TENM2: variants seen among roughly 807,000 people sequenced by gnomAD.
TENM2 encodes teneurin transmembrane protein 2.
In TENM2, 52 loss-of-function variants were observed where a neutral mutation model predicts 245.2. The observed-to-expected ratio is 0.21, with a 90% CI of 0.17 to 0.27. TENM2 has a LOEUF of 0.27. Among genes scored for constraint, TENM2 ranks in the 10% least tolerant of loss-of-function variants. TENM2 has a pLI of 1.00. For missense variants in TENM2, 3,046 were observed against 3,666.8 expected, an observed-to-expected ratio of 0.83 and a Z score of 4.37; for synonymous variants, 1,363 against 1,438.9, an observed-to-expected ratio of 0.95 and a Z score of 1.19.
At chr5:167,125,807 C>T in the TENM2 span, among the ~76,000 whole-genome samples, 4 of 152,148 alleles carry the variant, frequency 2.6e-5, no homozygotes, top group East Asian at 5.8e-4. Flanking sequence ...ATCCAATTCT[C>T]ACAACATTTC....
chr5:168,034,093 GTA>G (rs201397686), intron 5 of TENM2, among the ~76,000 whole-genome samples: 9,336 of 118,118 alleles, frequency 0.079, 409 homozygotes, highest in East Asian at 0.21. Flanking sequence ...ATATATATGT[GTA>G]TATATATATG....
At chr5:167,217,143 T>C in the TENM2 span, among the ~76,000 whole-genome samples, 2 of 152,298 alleles carry the variant, frequency 1.3e-5, no homozygotes, top group East Asian at 3.9e-4. Flanking sequence ...GTCTTTGTCA[T>C]GGTTTCTTAA....
At chr5:167,309,583 T>C (rs1330723155) in intron 1 of TENM2, among the ~76,000 whole-genome samples, 3 of 152,104 alleles carry the variant, frequency 2.0e-5, no homozygotes, top group Admixed American at 6.5e-5. Context: ...CTCACCCCTT[T>C]CAAACCTTAG....
intron 2 of TENM2, among the ~76,000 whole-genome samples, chr5:167,485,681 A>G (rs565160712): frequency 6.6e-6 from 1 of 152,222 alleles, no homozygotes; most frequent in Admixed American, 6.5e-5. Flanking sequence ...AGCAATACTT[A>G]TGAAGAACCC....
At chr5:167,706,717 T>C (rs562541311) in intron 2 of TENM2, among the ~76,000 whole-genome samples, 2 of 151,928 alleles carry the variant, frequency 1.3e-5, no homozygotes, top group Non-Finnish European at 2.9e-5. Context: ...CCATCAATAG[T>C]GTTAAAGGGT....
At chr5:167,747,586 A>G (rs1183421338) in intron 2 of TENM2, among the ~76,000 whole-genome samples, 1 of 152,174 alleles carries the variant, frequency 6.6e-6, no homozygotes, top group Non-Finnish European at 1.5e-5. Context: ...GGTAACATTG[A>G]TCGAGACTTT....
chr5:167,519,120 G>A (rs760120752), intron 2 of TENM2, among the ~76,000 whole-genome samples: 5 of 152,042 alleles, frequency 3.3e-5, no homozygotes, highest in Middle Eastern at 3.2e-3. Flanking sequence ...TAATTTCTCT[G>A]TTCTGACATC....
chr5:167,348,308 A>T (rs1387582943), intron 1 of TENM2, among the ~76,000 whole-genome samples: 2 of 152,182 alleles, frequency 1.3e-5, no homozygotes, highest in African/African-American at 4.8e-5. Context: ...TTCTTCTGGG[A>T]CAGTAGTAAT....
At chr5:167,532,880 A>G (rs1771612766) in intron 2 of TENM2, among the ~76,000 whole-genome samples, 1 of 150,852 alleles carries the variant, frequency 6.6e-6, no homozygotes, top group African/African-American at 2.4e-5. Context: ...AATCTAGATG[A>G]TGTGATGAAA....
At chr5:167,235,445 G>T in the TENM2 span, among the ~76,000 whole-genome samples, 1 of 151,788 alleles carries the variant, frequency 6.6e-6, no homozygotes, top group Non-Finnish European at 1.5e-5. Flanking sequence ...TCCTTTAAAT[G>T]GAAACAACAG....
chr5:167,733,944 G>A (rs953566813), intron 2 of TENM2, among the ~76,000 whole-genome samples: 1 of 152,204 alleles, frequency 6.6e-6, no homozygotes, highest in Non-Finnish European at 1.5e-5. Context: ...TTCAGAGATA[G>A]AAACTTACCC....
the TENM2 span, among the ~76,000 whole-genome samples, chr5:167,044,026 TAGTAAGGACAGAAGGAAGGAAGGAAGGA>T: frequency 4.2e-5 from 3 of 71,924 alleles, no homozygotes; most frequent in South Asian, 7.1e-4. Context: ...CTCAAATAAA[TAGTAAGGACAGAAGGAAGGAAGGAAGGA>T]AGGAAGGAAG....
At chr5:167,599,505 G>T (rs1429880100) in intron 2 of TENM2, among the ~76,000 whole-genome samples, 1 of 152,172 alleles carries the variant, frequency 6.6e-6, no homozygotes, top group Non-Finnish European at 1.5e-5. Context: ...GGATCAGTTT[G>T]ATTCCATTGG....
chr5:167,015,957 AAAG>A, the TENM2 span, among the ~76,000 whole-genome samples: 3 of 152,060 alleles, frequency 2.0e-5, no homozygotes, highest in Non-Finnish European at 4.4e-5. Context: ...TCCACCATTA[AAAG>A]AAGGAGAGAG....
At chr5:167,426,664 T>C (rs760335806) in intron 2 of TENM2, among the ~76,000 whole-genome samples, 47 of 152,136 alleles carry the variant, frequency 3.1e-4, no homozygotes, top group Non-Finnish European at 5.3e-4. Flanking sequence ...ACTAATTTGG[T>C]ATTTAACTGA....
intron 2 of TENM2, among the ~76,000 whole-genome samples, chr5:167,831,293 A>G (rs1005969173): frequency 6.6e-6 from 1 of 152,124 alleles, no homozygotes; most frequent in African/African-American, 2.4e-5. Flanking sequence ...ACAATTGATC[A>G]TGTCTCACAA....
intron 2 of TENM2, among the ~76,000 whole-genome samples, chr5:167,781,558 G>A (rs896487564): frequency 4.6e-5 from 7 of 152,284 alleles, no homozygotes; most frequent in Non-Finnish European, 8.8e-5. Context: ...AGCTGAGAGC[G>A]AGTTTAACAG....
intron 12 of TENM2, among the ~76,000 whole-genome samples, chr5:168,149,169 T>G (rs1159535417): frequency 1.3e-5 from 2 of 152,214 alleles, no homozygotes; most frequent in Non-Finnish European, 2.9e-5. Flanking sequence ...GCTGTTCATA[T>G]GAGGTTGTCT....
chr5:167,514,702 G>A (rs756966394), intron 2 of TENM2, among the ~76,000 whole-genome samples: 1 of 152,124 alleles, frequency 6.6e-6, no homozygotes, highest in Admixed American at 6.5e-5. Context: ...CAGAGGGAGG[G>A]CATTGCCTAC....
Sources: allele counts gnomAD v4.1 joint callset (sites outside exome capture counted in the v4.1 genomes callset), GRCh38; gene constraint gnomAD v4.1.1; transcripts MANE v1.5; gene names NCBI Gene and HGNC (gene_info 2026-07-23, HGNC 2026-07-21).